The following MYO1B variants were observed in gnomAD, a reference collection of about 807,000 sequenced individuals.
MYO1B encodes the protein myosin IB, also known as unconventional myosin-Ib.
Under a neutral mutation model 159.7 loss-of-function variants are expected in MYO1B, and 72 were observed. The observed-to-expected ratio is 0.45, with a 90% CI of 0.37 to 0.55. The LOEUF (loss-of-function observed/expected upper bound fraction) is 0.55, where lower values mean the gene tolerates loss of function less well. MYO1B is among the 20% of genes least tolerant of loss of function. MYO1B has a pLI of 0.00. For missense variants in MYO1B, 1,062 were observed against 1,364.8 expected, an observed-to-expected ratio of 0.78 and a Z score of 3.50; for synonymous variants, 468 against 473.8, an observed-to-expected ratio of 0.99 and a Z score of 0.16.
chr2:191,413,992 T>C, intron 27 of MYO1B, 56 bp from the exon 28 acceptor site: 1 of 1,538,742 alleles, frequency 6.5e-7, no homozygotes, highest in South Asian at 1.3e-5. Context: ...TTTCCTTTTT[T>C]TAGTGGTACT....
chr2:191,319,660 A>T (rs1325915284), intron 3 of MYO1B, among the ~76,000 whole-genome samples: 3 of 152,184 alleles, frequency 2.0e-5, no homozygotes, highest in Non-Finnish European at 4.4e-5. Flanking sequence ...ATGTCAGTCA[A>T]GACTGCCCCC....
At chr2:191,358,048 A>C (rs923019533) in intron 7 of MYO1B, among the ~76,000 whole-genome samples, 3 of 152,210 alleles carry the variant, frequency 2.0e-5, no homozygotes, top group African/African-American at 7.2e-5. Flanking sequence ...TGAGTTGCTT[A>C]GGCGAATTCA....
At chr2:191,362,180 C>A in intron 8 of MYO1B, 88 bp from the exon 9 acceptor site, 1 of 938,912 alleles carries the variant, frequency 1.1e-6, no homozygotes, top group Non-Finnish European at 1.7e-6. Flanking sequence ...AGCCATGTTA[C>A]CGATGTGAAC....
intron 4 of MYO1B, among the ~76,000 whole-genome samples, chr2:191,337,978 C>T (rs1236296919): frequency 1.3e-5 from 2 of 152,168 alleles, no homozygotes; most frequent in Admixed American, 1.3e-4. Flanking sequence ...CACAAAGTCT[C>T]ATGAGGTAAC....
At chr2:191,291,543 G>C (rs1233380551) in intron 2 of MYO1B, among the ~76,000 whole-genome samples, 2 of 152,062 alleles carry the variant, frequency 1.3e-5, no homozygotes, top group African/African-American at 2.4e-5. Context: ...CCACTGAGCA[G>C]AGGCATAGAG....
At chr2:191,350,818 AC>A (rs1425592447) in intron 7 of MYO1B, among the ~76,000 whole-genome samples, 3 of 131,350 alleles carry the variant, frequency 2.3e-5, no homozygotes, top group African/African-American at 7.7e-5. Flanking sequence ...AAAAAAAAAA[AC>A]AAAAAAAACA....
intron 11 of MYO1B, among the ~76,000 whole-genome samples, chr2:191,365,476 T>C (rs57529604): frequency 0.16 from 24,573 of 152,220 alleles, 5,346 homozygotes; most frequent in African/African-American, 0.49. Flanking sequence ...TATGGAAATT[T>C]GGTTTGTAGC....
chr2:191,423,444 A>C (rs1335135982), intron 30 of MYO1B, among the ~76,000 whole-genome samples: 1 of 152,218 alleles, frequency 6.6e-6, no homozygotes, highest in Non-Finnish European at 1.5e-5. Flanking sequence ...AGGTATGTTT[A>C]CATCAGTCAC....
At chr2:191,323,507 T>A (rs2125900596) in intron 3 of MYO1B, among the ~76,000 whole-genome samples, 1 of 152,288 alleles carries the variant, frequency 6.6e-6, no homozygotes, top group African/African-American at 2.4e-5. Flanking sequence ...GTGGTTACAT[T>A]TGACTGCCAG....
At chr2:191,349,415 A>G (rs1211751955) in intron 6 of MYO1B, among the ~76,000 whole-genome samples, 1 of 152,174 alleles carries the variant, frequency 6.6e-6, no homozygotes, top group East Asian at 1.9e-4. Flanking sequence ...AAACAAAACT[A>G]AAGACTTTAC....
chr2:191,419,874 G>C (rs560570538), intron 30 of MYO1B, among the ~76,000 whole-genome samples: 1 of 152,284 alleles, frequency 6.6e-6, no homozygotes, highest in Non-Finnish European at 1.5e-5. Context: ...GCTATACAAA[G>C]TATTGTGTTT....
chr2:191,296,465 T>C (rs1688991603), intron 3 of MYO1B, among the ~76,000 whole-genome samples: 1 of 152,238 alleles, frequency 6.6e-6, no homozygotes, highest in Non-Finnish European at 1.5e-5. Flanking sequence ...ATATTTTCTG[T>C]TCAAAATTCT....
intron 1 of MYO1B, among the ~76,000 whole-genome samples, chr2:191,248,244 T>C (rs1038879853): frequency 6.6e-6 from 1 of 152,202 alleles, no homozygotes; most frequent in Non-Finnish European, 1.5e-5. Flanking sequence ...AACAACTTGA[T>C]AAAGTGGGTG....
intron 1 of MYO1B, among the ~76,000 whole-genome samples, chr2:191,259,202 GAATT>G (rs1559121805): frequency 6.6e-6 from 1 of 152,224 alleles, no homozygotes; most frequent in Non-Finnish European, 1.5e-5. Context: ...TTTCTTGAAA[GAATT>G]AATCAATTTT....
chr2:191,323,961 A>C (rs1690893090), intron 3 of MYO1B, among the ~76,000 whole-genome samples: 1 of 152,160 alleles, frequency 6.6e-6, no homozygotes, highest in Admixed American at 6.6e-5. Context: ...TTTCACCTGC[A>C]TTCTGCCATC....
At chr2:191,388,862 A>C (rs2126094462) in intron 17 of MYO1B, among the ~76,000 whole-genome samples, 1 of 152,260 alleles carries the variant, frequency 6.6e-6, no homozygotes, top group South Asian at 2.1e-4. Flanking sequence ...TTACCCCAGA[A>C]AGCTTCTTCA....
At chr2:191,262,521 C>G (rs1686879988) in intron 1 of MYO1B, among the ~76,000 whole-genome samples, 1 of 152,178 alleles carries the variant, frequency 6.6e-6, no homozygotes. Context: ...GGGACCATCA[C>G]CAGTGACTCT....
intron 3 of MYO1B, among the ~76,000 whole-genome samples, chr2:191,300,006 C>T (rs1003664917): frequency 2.0e-5 from 3 of 152,200 alleles, no homozygotes. Context: ...CTCACATGCT[C>T]TGTCTCACCA....
At chr2:191,343,795 A>G (rs1481557478) in intron 5 of MYO1B, among the ~76,000 whole-genome samples, 1 of 152,216 alleles carries the variant, frequency 6.6e-6, no homozygotes, top group African/African-American at 2.4e-5. Flanking sequence ...AGAAATGTCT[A>G]CTGTGGGCAT....
Sources: allele counts gnomAD v4.1 joint callset (sites outside exome capture counted in the v4.1 genomes callset), GRCh38; gene constraint gnomAD v4.1.1; transcripts MANE v1.5; gene names NCBI Gene and HGNC (gene_info 2026-07-23, HGNC 2026-07-21).